The following CDH18 variants were observed in gnomAD, a reference collection of about 807,000 sequenced individuals.
The protein encoded by CDH18 is cadherin 18.
Under a neutral mutation model 67.9 loss-of-function variants are expected in CDH18, and 31 were observed. The ratio of observed to expected loss-of-function variants is 0.46; its 90% CI spans 0.34 to 0.62. CDH18 has a LOEUF of 0.62. Ranked by LOEUF, CDH18 falls within the 20% of genes least tolerant of loss-of-function variation. CDH18 has a pLI of 0.01. For synonymous variants in CDH18, 362 were observed against 347.2 expected (o/e 1.04, Z -0.48); for missense variants, 890 against 975.5 (o/e 0.91, Z 1.17).
chr5:20,182,432 G>C (rs535969536), intron 2 of CDH18, among the ~76,000 whole-genome samples: 1 of 151,366 alleles, frequency 6.6e-6, no homozygotes, highest in African/African-American at 2.4e-5. Context: ...GAGAAACCCC[G>C]TCTCTACTAA....
chr5:20,534,964 G>T (rs145805397), intron 1 of CDH18, among the ~76,000 whole-genome samples: 4 of 151,728 alleles, frequency 2.6e-5, no homozygotes, highest in Admixed American at 1.3e-4. Flanking sequence ...CTTAAGGCTC[G>T]CATTTTGCTG....
At chr5:19,706,859 C>T (rs537983194) in intron 5 of CDH18, among the ~76,000 whole-genome samples, 11 of 152,248 alleles carry the variant, frequency 7.2e-5, no homozygotes, top group South Asian at 4.2e-4. Context: ...ATAGGGACTA[C>T]GGGACTCCAC....
intron 1 of CDH18, among the ~76,000 whole-genome samples, chr5:20,522,293 A>C (rs564274653): frequency 2.0e-5 from 3 of 152,200 alleles, no homozygotes; most frequent in Non-Finnish European, 4.4e-5. Flanking sequence ...GTTTTATTAC[A>C]GTACCCCTAG....
intron 1 of CDH18, among the ~76,000 whole-genome samples, chr5:20,443,017 G>T (rs1749724993): frequency 6.6e-6 from 1 of 150,640 alleles, no homozygotes; most frequent in South Asian, 2.1e-4. Flanking sequence ...AGACCATCCC[G>T]GCTAAAACGG....
At chr5:20,368,608 C>CT (rs1275530527) in intron 1 of CDH18, among the ~76,000 whole-genome samples, 4 of 152,088 alleles carry the variant, frequency 2.6e-5, no homozygotes, top group Admixed American at 6.5e-5. Flanking sequence ...AAAAAGTACC[C>CT]TTTTTATACC....
At chr5:20,282,961 C>A in intron 1 of CDH18, among the ~76,000 whole-genome samples, 1 of 151,980 alleles carries the variant, frequency 6.6e-6, no homozygotes, top group East Asian at 1.9e-4. Flanking sequence ...AAAAACAAAT[C>A]CGTACATCTA....
intron 1 of CDH18, among the ~76,000 whole-genome samples, chr5:20,362,622 A>G (rs1470976995): frequency 6.6e-6 from 1 of 152,194 alleles, no homozygotes; most frequent in Non-Finnish European, 1.5e-5. Context: ...AGAAGAAAAG[A>G]CAATGAATTC....
intron 3 of CDH18, among the ~76,000 whole-genome samples, chr5:19,795,320 TTGTCCAAGGAC>T (rs1200933036): frequency 6.6e-6 from 1 of 152,158 alleles, no homozygotes; most frequent in Admixed American, 6.6e-5. Flanking sequence ...TTCCCCATCC[TTGTCCAAGGAC>T]TGTCCAAGGA....
At chr5:20,348,786 A>G (rs1353188794) in intron 1 of CDH18, among the ~76,000 whole-genome samples, 11 of 152,080 alleles carry the variant, frequency 7.2e-5, no homozygotes, top group Admixed American at 7.2e-4. Context: ...AAATCTGACA[A>G]CTTTTGCAGT....
chr5:20,056,656 T>C (rs1256233748), intron 2 of CDH18, among the ~76,000 whole-genome samples: 1 of 148,286 alleles, frequency 6.7e-6, no homozygotes, highest in African/African-American at 2.5e-5. Context: ...TAAAAAGCTA[T>C]AGAGCAGTTG....
At chr5:20,217,764 T>G (rs1252838740) in intron 2 of CDH18, among the ~76,000 whole-genome samples, 1 of 151,780 alleles carries the variant, frequency 6.6e-6, no homozygotes, top group Non-Finnish European at 1.5e-5. Flanking sequence ...AAATGATTTG[T>G]TGCCTACATA....
chr5:19,945,924 G>C (rs1795239905), intron 2 of CDH18, among the ~76,000 whole-genome samples: 1 of 151,958 alleles, frequency 6.6e-6, no homozygotes. Flanking sequence ...GAAAAATAAG[G>C]AGAAAGAATA....
chr5:20,233,444 A>T (rs1362009016), intron 2 of CDH18, among the ~76,000 whole-genome samples: 1 of 151,942 alleles, frequency 6.6e-6, no homozygotes, highest in Non-Finnish European at 1.5e-5. Context: ...CTAGACTGAT[A>T]GTCTATATTG....
intron 2 of CDH18, among the ~76,000 whole-genome samples, chr5:19,860,545 C>G (rs977051730): frequency 6.7e-6 from 1 of 149,408 alleles, no homozygotes; most frequent in Non-Finnish European, 1.5e-5. Context: ...TTATATTGGT[C>G]TGACTTGTCC....
chr5:19,707,779 G>A (rs1300530083), intron 5 of CDH18, among the ~76,000 whole-genome samples: 1 of 152,144 alleles, frequency 6.6e-6, no homozygotes, highest in Non-Finnish European at 1.5e-5. Flanking sequence ...AAACAGGATT[G>A]GACCTGGTCA....
At chr5:20,202,500 GT>G (rs1162763079) in intron 2 of CDH18, among the ~76,000 whole-genome samples, 1 of 151,782 alleles carries the variant, frequency 6.6e-6, no homozygotes, top group Admixed American at 6.6e-5. Flanking sequence ...TTAAAAATCA[GT>G]TTTTTGATAT....
chr5:20,453,703 C>G (rs1371312593), intron 1 of CDH18, among the ~76,000 whole-genome samples: 2 of 151,850 alleles, frequency 1.3e-5, no homozygotes, highest in Non-Finnish European at 2.9e-5. Flanking sequence ...GTGTGGTTAG[C>G]AGCTCTGATC....
chr5:19,694,124 A>G (rs1459992240), intron 5 of CDH18, among the ~76,000 whole-genome samples: 2 of 152,150 alleles, frequency 1.3e-5, no homozygotes, highest in East Asian at 3.9e-4. Flanking sequence ...ACAAATAAAA[A>G]TGCTTTCCAA....
At chr5:20,358,978 G>C (rs1220174869) in intron 1 of CDH18, among the ~76,000 whole-genome samples, 1 of 146,020 alleles carries the variant, frequency 6.8e-6, no homozygotes, top group African/African-American at 2.6e-5. Context: ...TGTTGCCCTG[G>C]CTGGAGTGCA....
Sources: allele counts gnomAD v4.1 joint callset (sites outside exome capture counted in the v4.1 genomes callset), GRCh38; gene constraint gnomAD v4.1.1; transcripts MANE v1.5; gene names NCBI Gene and HGNC (gene_info 2026-07-23, HGNC 2026-07-21).